The following MED12 variants were observed in gnomAD, a reference collection of about 807,000 sequenced individuals.
MED12 encodes mediator complex subunit 12.
Under a neutral mutation model 177.7 loss-of-function variants are expected in MED12, and 10 were observed. That is an observed-to-expected ratio of 0.06 (90% CI 0.03 to 0.10). The LOEUF (loss-of-function observed/expected upper bound fraction) is 0.10. Ranked by LOEUF, MED12 falls within the 10% of genes least tolerant of loss-of-function variation. MED12 has a pLI of 1.00. For missense variants in MED12, 867 were observed against 1,780.8 expected (o/e 0.49, Z 9.23); for synonymous variants, 641 against 678.4 (o/e 0.94, Z 0.86).
chrX:71,126,282 C>T lies in MED12; in HGVS notation c.2542-59C>T, dbSNP rs562552570. The T allele has an allele frequency of 3.3e-5, 39 of 1,195,922 alleles. No homozygotes were observed. In the South Asian group the frequency reaches 6.4e-4, roughly 20 times the overall value. ...TCATCCCCTTCCAGTGTCATCCTTT[C>T]CTCCTTCCCTGGTTCTTTCCTCTCT... On this transcript the variant is annotated intron_variant, in intron 18 of 44. Transcript: ENST00000374080.
rs2147813683 is a variant in MED12, at chrX:71,132,198, T to C, written c.4245T>C (p.Pro1415=). ...SNMPSSSKTK[P]VLSSLERSGV... ...TGCCCAGCAGCAGCAAGACCAAGCC[T>C]GTGCTCAGGTCGGATAGAAACATGT... Residue 1415 remains proline (P), a synonymous_variant, in exon 30 of 45, where the codon CCT becomes CCC. Coordinates refer to ENST00000374080, the MANE Select transcript of MED12 (RefSeq NM_005120.3). 3.3e-6 allele frequency: 4 copies of C among 1,211,039 alleles called. No homozygotes were observed. Among genetic ancestry groups the C allele is most frequent in the Non-Finnish European group, 3.4e-6 (3 of 894,790 alleles).
chrX:71,122,432 C>G (rs1271124409), intron 8 of MED12, 76 bp from the exon 9 acceptor site: 1 of 1,183,406 alleles, frequency 8.5e-7, no homozygotes, highest in Non-Finnish European at 1.1e-6. Flanking sequence ...GAGTCTAGTA[C>G]TATTCTTCTA....
chrX:71,120,898 G>A (rs942860560), intron 4 of MED12, 73 bp from the exon 5 acceptor site: 10 of 1,160,316 alleles, frequency 8.6e-6, no homozygotes, highest in African/African-American at 5.3e-5. Flanking sequence ...ATGAGCCACC[G>A]CACCCAGCCA....
intron 24 of MED12, 184 bp downstream of exon 24, chrX:71,128,902 C>A: frequency 1.6e-6 from 1 of 606,399 alleles, no homozygotes; most frequent in Non-Finnish European, 2.7e-6. Context: ...GGATTTGCAG[C>A]CCTGACCTTT....
At chrX:71,133,017 T>C in intron 32 of MED12, 61 bp downstream of exon 32, 1 of 1,050,209 alleles carries the variant, frequency 9.5e-7, no homozygotes, top group Non-Finnish European at 1.3e-6. Flanking sequence ...CCTAAGGGGT[T>C]ACTCTGTACT....
rs1295638837 is a variant in MED12, at chrX:71,132,485, T to G, written c.4362T>G (p.Gly1454=). Residue 1454 remains glycine, a synonymous_variant, in exon 31 of 45, where the codon GGT becomes GGG. Transcript: ENST00000374080. The part of the protein sequence containing the change: ...LKAAGEELEK[G]QHLGSSSRKE... ...CTGCTGGGGAAGAATTGGAGAAGGG[T>G]CAGCACCTGGGTTCCTCTTCACGCA... 1.7e-6 allele frequency: 2 copies of G among 1,204,231 alleles called. No homozygotes were observed. Among genetic ancestry groups the G allele is most frequent in the Non-Finnish European group, 2.2e-6 (2 of 892,436 alleles).
chrX:71,139,694 TTCGAGACCAGCC>T (rs2092341668), intron 41 of MED12, among the ~76,000 whole-genome samples: 1 of 109,970 alleles, frequency 9.1e-6, no homozygotes, highest in Non-Finnish European at 1.9e-5. Flanking sequence ...AGATCAGGAG[TTCGAGACCAGCC>T]TGGTCAACAT....
In MED12 at chrX:71,129,206, T is replaced by A; in HGVS notation, c.3568T>A (p.Ser1190Thr). ...FKTPQLNPCQSDGNKPTVGIR... is the reference protein window; with the variant it reads ...FKTPQLNPCQTDGNKPTVGIR... ...GACACCGCAGCTCAATCCTTGCCAG[T>A]CTGATGGAAGTAAGTGACCCTGATC... The change falls in exon 25 of 45, where the codon TCT (serine) becomes ACT (threonine). Residue 1190 changes from serine (S) to threonine (T), a missense_variant. Physicochemically the swap from Ser to Thr is moderately conservative, Grantham distance 58. Transcript: ENST00000374080. 1 of 1,208,028 alleles carries A rather than the reference T, an allele frequency of 8.3e-7. No homozygotes were observed. The highest frequency in any genetic ancestry group is 1.1e-6 in the Non-Finnish European group (1 of 892,195).
chrX:71,137,188 T>C lies in MED12; in HGVS notation c.5553T>C (p.Gly1851=). Residue 1851 remains glycine (G), a splice_region_variant and synonymous_variant, in exon 39 of 45, where the codon GGT becomes GGC. Coordinates refer to ENST00000374080, the MANE Select transcript of MED12 (RefSeq NM_005120.3). ...LYTQNQPLPA[G]GPRVDPYRPV... ...AGGTCAGCCCACTCTCCTTTTCAGG[T>C]GGCCCTCGTGTGGACCCATACCGTC... 1 of 1,211,454 alleles carries C rather than the reference T, an allele frequency of 8.3e-7. No individual in the cohort carries two copies. Among genetic ancestry groups the C allele is most frequent in the Non-Finnish European group, 1.1e-6 (1 of 895,234 alleles).
chrX:71,140,782 G>A lies in MED12; in HGVS notation c.6192G>A (p.Gln2064=), dbSNP rs2092345208. ...AACAGCAGCAACAGCAACAGCAGCA[G>A]CAGCAGCAACAGCAACAGCAGCAGC... is the stretch of plus-strand genomic sequence containing the variant. ...QQQQQQQQQQ[Q]QQQQQQQQQQ... is the part of the protein sequence containing the mutation. The change falls in exon 42 of 45, where the codon CAG becomes CAA. Residue 2064 remains glutamine, a synonymous_variant. Transcript: ENST00000374080. The A allele has an allele frequency of 8.3e-7, 1 of 1,209,556 alleles. No individual in the cohort carries two copies. Among genetic ancestry groups the A allele is most frequent in the African/African-American group, 1.7e-5 (1 of 57,542 alleles).
In MED12 at chrX:71,122,865, T is replaced by C. The variant is rs1602295711; in HGVS notation, c.1476T>C (p.Asp492=). The change falls in exon 10 of 45, where the codon GAT becomes GAC. Residue 492 remains aspartate (D), a synonymous_variant. Transcript: ENST00000374080. ...NRIFGLGPSK[D]GHEISSDDDA... The stretch of plus-strand genomic sequence containing the variant: ...TCTTTGGATTGGGACCTAGCAAGGA[T>C]GGGCATGAGGTAAGCGAAAAGGGGA... The C allele has an allele frequency of 8.3e-7, 1 of 1,211,257 alleles. No individual in the cohort carries two copies. Among genetic ancestry groups the C allele is most frequent in the Non-Finnish European group, 1.1e-6 (1 of 895,120 alleles).
intron 43 of MED12, 83 bp downstream of exon 43, chrX:71,141,453 T>C: frequency 3.6e-6 from 4 of 1,104,988 alleles, no homozygotes; most frequent in Non-Finnish European, 4.9e-6. Context: ...GGGGACAGTA[T>C]GGAATAGGGT....
chrX:71,137,562 G>A lies in MED12; in HGVS notation c.5753G>A (p.Ser1918Asn), dbSNP rs2092335840. Residue 1918 changes from serine to asparagine, a missense_variant, in exon 40 of 45, where the codon AGT becomes AAT. Physicochemically the swap from Ser to Asn is conservative, Grantham distance 46. Coordinates refer to ENST00000374080, the MANE Select transcript of MED12 (RefSeq NM_005120.3). ...GQRLRQQLQQ[S>N]QGMLGQSSVH... ...TGTTCTCTTTTCTCCCTTTAGCAGA[G>A]TCAGGGCATGTTGGGACAGTCATCT... The A allele has an allele frequency of 4.1e-6, 5 of 1,206,938 alleles. No homozygotes were observed. Among genetic ancestry groups the A allele is most frequent in the South Asian group, 1.8e-5 (1 of 56,559 alleles).
intron 32 of MED12, 83 bp downstream of exon 32, chrX:71,133,039 G>A: frequency 1.9e-6 from 2 of 1,046,680 alleles, no homozygotes; most frequent in South Asian, 3.8e-5. Context: ...GGAAACTTCA[G>A]TACTTTCTGA....
intron 33 of MED12, 131 bp from the exon 34 acceptor site, chrX:71,134,226 G>A (rs1602303057): frequency 5.2e-5 from 20 of 383,100 alleles, no homozygotes; most frequent in Middle Eastern, 6.1e-4. Flanking sequence ...GCGAGACTCC[G>A]TCTCAAAAAA....
rs2092293371 is a variant in MED12 at position 71,122,942 on chromosome X, T to TTGAAAGCCCATGAAGG, written c.1485+68_1485+69insTGAAAGCCCATGAAGG. On this transcript the variant is annotated intron_variant, in intron 10 of 44. Coordinates refer to ENST00000374080, the MANE Select transcript of MED12 (RefSeq NM_005120.3). ...AGCAATAATATGTCTGAGAGGGAAGTCATGGTGAGGCATTGAAAGCAGAGC... is the reference window on the plus strand; with the variant it reads ...AGCAATAATATGTCTGAGAGGGAAGTTGAAAGCCCATGAAGGCATGGTGAGGCATTGAAAGCAGAGC... 5.1e-6 allele frequency: 6 copies of TTGAAAGCCCATGAAGG among 1,165,994 alleles called. No homozygotes were observed. In the East Asian group the frequency reaches 1.8e-4, roughly 35 times the overall value.
chrX:71,121,952 T>G, intron 7 of MED12, 136 bp downstream of exon 7: 1 of 1,002,480 alleles, frequency 1.0e-6, no homozygotes, highest in Non-Finnish European at 1.4e-6. Context: ...TTGTTGTTTC[T>G]TGGTAATGGG....
Position 71,130,153 on chromosome X carries a change from G to T in MED12, c.3986G>T (p.Arg1329Leu). 8.3e-7 allele frequency: 1 copy of T among 1,209,879 alleles called. No individual in the cohort carries two copies. Among genetic ancestry groups the T allele is most frequent in the Non-Finnish European group, 1.1e-6 (1 of 894,281 alleles). ...ATGCAGCTCATTTGCTATCCACATC[G>T]ACTGCTGGACAATGAGGATGGGGAA... Reference protein sequence around the residue: ...RLMQLICYPHRLLDNEDGENP... With the variant: ...RLMQLICYPHLLLDNEDGENP... Residue 1329 changes from arginine to leucine, a missense_variant, in exon 28 of 45, where the codon CGA becomes CTA. This residue lies in a region of MED12 where 46 missense variants were observed against 71.7 expected (regional missense o/e 0.64). Transcript: ENST00000374080.
Position 71,120,129 on chromosome X carries a change from C to T in MED12, c.512C>T (p.Ser171Phe). ...KMTCAYYAAI[S>F]ETKVKKRHVD... ...ACCTGTGCCTACTATGCAGCAATCT[C>T]TGAGACCAAGGTTAAGAAGAGACAT... The change falls in exon 4 of 45, where the codon TCT (serine) becomes TTT (phenylalanine). Residue 171 changes from serine to phenylalanine, a missense_variant. Physicochemically the swap from Ser to Phe is radical, Grantham distance 155 (BLOSUM62 -2). This residue lies in a region of MED12 where 309 missense variants were observed against 556.3 expected (regional missense o/e 0.56). Transcript: ENST00000374080. The T allele has an allele frequency of 8.3e-7, 1 of 1,211,675 alleles. No homozygotes were observed.
Sources: allele counts gnomAD v4.1 joint callset (sites outside exome capture counted in the v4.1 genomes callset), GRCh38; gene constraint gnomAD v4.1.1; regional missense constraint gnomAD v4.1.1; transcripts MANE v1.5; gene names NCBI Gene and HGNC (gene_info 2026-07-23, HGNC 2026-07-21).